Variants in DOCK9 observed in about 807,000 individuals in gnomAD.
The protein encoded by DOCK9 is dedicator of cytokinesis 9, also known as dedicator of cytokinesis protein 9.
DOCK9 carries 89 observed loss-of-function variants against 263.3 expected under a neutral mutation model. The ratio of observed to expected loss-of-function variants is 0.34; its 90% CI spans 0.28 to 0.40. DOCK9 has a LOEUF of 0.40. Among genes scored for constraint, DOCK9 ranks in the 10% least tolerant of loss-of-function variants. DOCK9 has a pLI of 1.00. For synonymous variants in DOCK9, 976 were observed against 973.1 expected (o/e 1.00, Z -0.06); for missense variants, 2,140 against 2,603.4 (o/e 0.82, Z 3.87).
At chr13:99,034,159 A>G (rs1887621286) in intron 1 of DOCK9, among the ~76,000 whole-genome samples, 1 of 151,982 alleles carries the variant, frequency 6.6e-6, no homozygotes, top group Non-Finnish European at 1.5e-5. Context: ...TGAAGATTAC[A>G]AGCTTTCAGG....
intron 2 of DOCK9, among the ~76,000 whole-genome samples, chr13:98,942,245 T>TTTG (rs2056041693): frequency 6.7e-6 from 1 of 150,146 alleles, no homozygotes; most frequent in Non-Finnish European, 1.5e-5. Flanking sequence ...GTTTTTTTTT[T>TTTG]TTGTTTTTTT....
chr13:98,934,482 A>C (rs2054497766), intron 2 of DOCK9, among the ~76,000 whole-genome samples: 1 of 152,214 alleles, frequency 6.6e-6, no homozygotes, highest in Non-Finnish European at 1.5e-5. Flanking sequence ...AGATTTTAGA[A>C]TTGCAAAAAA....
At chr13:98,951,924 T>A (rs1188078443) in intron 2 of DOCK9, among the ~76,000 whole-genome samples, 1 of 136,550 alleles carries the variant, frequency 7.3e-6, no homozygotes, top group African/African-American at 2.9e-5. Context: ...TGAGATGGAG[T>A]TTTCCTCTTG....
intron 1 of DOCK9, among the ~76,000 whole-genome samples, chr13:98,991,707 T>C (rs1879847673): frequency 6.6e-6 from 1 of 151,228 alleles, no homozygotes; most frequent in Admixed American, 6.6e-5. Context: ...TATATAAAAA[T>C]ATTATATTTT....
intron 2 of DOCK9, among the ~76,000 whole-genome samples, chr13:98,939,765 A>G (rs553504580): frequency 6.6e-6 from 1 of 152,332 alleles, no homozygotes; most frequent in East Asian, 1.9e-4. Flanking sequence ...AGCTGGGCCA[A>G]ATGGAGAGCA....
At chr13:98,942,359 C>G (rs1185275673) in intron 2 of DOCK9, among the ~76,000 whole-genome samples, 1 of 152,042 alleles carries the variant, frequency 6.6e-6, no homozygotes, top group African/African-American at 2.4e-5. Context: ...CTGCCTCAGC[C>G]TCCCGAGTAG....
rs544702600 is a variant in DOCK9, at chr13:99,003,463, A to G, written c.130-47912T>C. On this transcript the variant is annotated intron_variant, in intron 1 of 32. Transcript: ENST00000427887. The stretch of plus-strand genomic sequence containing the variant: ...TTACCAGACATCTGTCTGTGCTGGG[A>G]TCCACACTCTAGCTATGGTCCTACT... Among the ~76,000 whole-genome samples, 16 of 152,196 alleles carry G rather than the reference A, an allele frequency of 1.1e-4. 1 individual carries two copies. Among genetic ancestry groups the G allele is most frequent in the African/African-American group, 3.9e-4 (16 of 41,524 alleles).
chr13:99,000,299 T>C (rs1006420204), intron 1 of DOCK9, among the ~76,000 whole-genome samples: 3 of 152,218 alleles, frequency 2.0e-5, no homozygotes, highest in Non-Finnish European at 4.4e-5. Context: ...CAGCAGGTCA[T>C]GCATCTGAAT....
chr13:98,915,629 GC>G, intron 7 of DOCK9, 126 bp from the exon 8 acceptor site: 2 of 865,414 alleles, frequency 2.3e-6, no homozygotes, highest in Non-Finnish European at 3.3e-6. Context: ...TAAATAGCTT[GC>G]CCCCTCCTCA....
chr13:98,996,429 C>T (rs186028416), intron 1 of DOCK9, among the ~76,000 whole-genome samples: 5 of 152,342 alleles, frequency 3.3e-5, no homozygotes, highest in Admixed American at 1.3e-4. Context: ...AAGATCAATA[C>T]TAATATTATA....
intron 1 of DOCK9, among the ~76,000 whole-genome samples, chr13:99,017,845 G>A (rs945267011): frequency 5.9e-5 from 9 of 152,314 alleles, no homozygotes; most frequent in African/African-American, 2.2e-4. Context: ...CCTGAGGGCT[G>A]CGGGTAGGAC....
chr13:98,821,587 G>A (rs1379373770), intron 45 of DOCK9, among the ~76,000 whole-genome samples: 1 of 152,150 alleles, frequency 6.6e-6, no homozygotes, highest in African/African-American at 2.4e-5. Flanking sequence ...AACTACATGG[G>A]CCATGGGGAA....
chr13:98,968,770 T>C (rs2059439934), intron 1 of DOCK9, among the ~76,000 whole-genome samples: 1 of 152,234 alleles, frequency 6.6e-6, no homozygotes, highest in African/African-American at 2.4e-5. Flanking sequence ...AATTTTTACT[T>C]GGGCAGACAA....
At chr13:98,933,385 A>G (rs1222945939) in intron 2 of DOCK9, among the ~76,000 whole-genome samples, 6 of 152,174 alleles carry the variant, frequency 3.9e-5, no homozygotes, top group African/African-American at 1.4e-4. Flanking sequence ...AAAAAAAAAA[A>G]GTAACTTTAA....
At chr13:98,882,288 A>T (rs1175437180) in intron 23 of DOCK9, among the ~76,000 whole-genome samples, 1 of 152,152 alleles carries the variant, frequency 6.6e-6, no homozygotes, top group East Asian at 1.9e-4. Flanking sequence ...AGAGGGAGAC[A>T]GAAGGGGAGA....
intron 1 of DOCK9, among the ~76,000 whole-genome samples, chr13:98,975,456 A>T (rs2060163893): frequency 7.0e-6 from 1 of 143,528 alleles, no homozygotes; most frequent in Non-Finnish European, 1.5e-5. Flanking sequence ...CCATAATAGT[A>T]TATTCTCTAA....
chr13:98,813,663 G>T (rs2091535754), intron 45 of DOCK9, among the ~76,000 whole-genome samples: 1 of 151,898 alleles, frequency 6.6e-6, no homozygotes. Flanking sequence ...TTTTGAGACA[G>T]AATTCCACTC....
chr13:99,047,258 C>T (rs1206682807), intron 1 of DOCK9, among the ~76,000 whole-genome samples: 4 of 152,174 alleles, frequency 2.6e-5, no homozygotes, highest in African/African-American at 9.7e-5. Flanking sequence ...CTCAGAAACA[C>T]AGCCTTTTCT....
At chr13:98,913,461 G>C (rs1199507304) in intron 9 of DOCK9, among the ~76,000 whole-genome samples, 1 of 152,018 alleles carries the variant, frequency 6.6e-6, no homozygotes, top group Non-Finnish European at 1.5e-5. Context: ...AAAATAAAAA[G>C]TCTATATAGT....
Sources: gnomAD v4.1 joint callset for allele counts (sites outside exome capture counted in the v4.1 genomes callset) on GRCh38, gnomAD v4.1.1 for gene constraint, MANE v1.5 for transcripts, NCBI Gene and HGNC (gene_info 2026-07-23, HGNC 2026-07-21) for gene names.